The following RPSA2 variants were observed in gnomAD, a reference collection of about 807,000 sequenced individuals.
RPSA2 encodes ribosomal protein SA 2.
the RPSA2 span, among the ~76,000 whole-genome samples, chr19:23,859,426 C>T: frequency 9.2e-5 from 14 of 152,144 alleles, no homozygotes; most frequent in African/African-American, 2.9e-4. Context: ...GTCAGGAGTT[C>T]GAGACCAGCC....
the RPSA2 span, among the ~76,000 whole-genome samples, chr19:23,868,990 A>T: frequency 6.6e-6 from 1 of 152,218 alleles, no homozygotes; most frequent in Non-Finnish European, 1.5e-5. Context: ...CTGGAGCGTC[A>T]AGGCCAGAAA....
At chr19:23,789,019 C>CTTT in the RPSA2 span, among the ~76,000 whole-genome samples, 18 of 112,622 alleles carry the variant, frequency 1.6e-4, 4 homozygotes, top group South Asian at 1.2e-3. Context: ...TTTTTTCTTT[C>CTTT]TTTCTTTTTT....
chr19:23,852,168 A>T, the RPSA2 span, among the ~76,000 whole-genome samples: 5 of 152,188 alleles, frequency 3.3e-5, no homozygotes, highest in East Asian at 9.6e-4. Context: ...TTGCAGTTCC[A>T]ATGAAGCCTC....
At chr19:23,838,525 G>A in the RPSA2 span, among the ~76,000 whole-genome samples, 18,060 of 151,952 alleles carry the variant, frequency 0.12, 1,358 homozygotes, top group Middle Eastern at 0.17. Context: ...GTAGAATTTT[G>A]CTGTGAATCT....
At chr19:23,832,412 CA>C in the RPSA2 span, 9 of 506,170 alleles carry the variant, frequency 1.8e-5, no homozygotes, top group Non-Finnish European at 3.6e-5. Context: ...TGTGGCAAAG[CA>C]TTAATTCAAT....
At chr19:23,782,055 TCTTTTG>T in the RPSA2 span, 1 of 152,984 alleles carries the variant, frequency 6.5e-6, no homozygotes, top group Non-Finnish European at 1.5e-5. Flanking sequence ...GTTATGAGAA[TCTTTTG>T]CTTTTGCCCT....
At chr19:23,866,626 G>A in the RPSA2 span, among the ~76,000 whole-genome samples, 1 of 150,698 alleles carries the variant, frequency 6.6e-6, no homozygotes, top group Admixed American at 6.7e-5. Context: ...CCCCCTGTCA[G>A]GAAATGAGAA....
chr19:23,762,644 T>A, the RPSA2 span, among the ~76,000 whole-genome samples: 1 of 139,824 alleles, frequency 7.2e-6, no homozygotes, highest in Non-Finnish European at 1.5e-5. Context: ...CCACTGCACT[T>A]GAGCCAGGGC....
chr19:23,777,619 AAGATGT>A, the RPSA2 span, among the ~76,000 whole-genome samples: 148,762 of 152,082 alleles, frequency 0.98, 72,848 homozygotes, highest in Middle Eastern at 1. Flanking sequence ...ATTACCTAGA[AAGATGT>A]AGATGTGACT....
chr19:23,805,023 T>TTAACGACAGGACAGTGTGGCTTAGG, the RPSA2 span, among the ~76,000 whole-genome samples: 3 of 150,242 alleles, frequency 2.0e-5, no homozygotes, highest in Admixed American at 2.0e-4. Flanking sequence ...TTTGGGTTTG[T>TTAACGACAGGACAGTGTGGCTTAGG]TAAGGACAGG....
chr19:23,762,836 G>A, the RPSA2 span: 1 of 152,182 alleles, frequency 6.6e-6, no homozygotes, highest in Non-Finnish European at 1.5e-5. Flanking sequence ...TACCTTTACT[G>A]TCCGTAAAAT....
chr19:23,794,824 A>T, the RPSA2 span, among the ~76,000 whole-genome samples: 3 of 152,170 alleles, frequency 2.0e-5, no homozygotes, highest in Admixed American at 6.6e-5. Context: ...TTTTCAAATA[A>T]ATATTTCAGC....
chr19:23,763,054 C>T, the RPSA2 span: 3 of 153,334 alleles, frequency 2.0e-5, no homozygotes, highest in Non-Finnish European at 4.4e-5. Context: ...TCGGTAGCCC[C>T]TGGTGACTCT....
chr19:23,845,994 T>C, the RPSA2 span, among the ~76,000 whole-genome samples: 5 of 152,240 alleles, frequency 3.3e-5, no homozygotes, highest in Non-Finnish European at 5.9e-5. Context: ...GTCTCTCTAA[T>C]GCTGTGAGTA....
the RPSA2 span, among the ~76,000 whole-genome samples, chr19:23,828,399 A>G: frequency 6.6e-4 from 94 of 141,654 alleles, no homozygotes; most frequent in East Asian, 0.014. Context: ...TGGTGTTTCT[A>G]TTTCTTCAAA....
chr19:23,786,118 C>G, the RPSA2 span, among the ~76,000 whole-genome samples: 3 of 152,186 alleles, frequency 2.0e-5, no homozygotes. Context: ...AAAATTCTAT[C>G]TGGACCCATG....
At chr19:23,758,675 TG>T in the RPSA2 span, 6 of 1,612,608 alleles carry the variant, frequency 3.7e-6, no homozygotes, top group South Asian at 6.6e-5. Flanking sequence ...ATTGTGGAGC[TG>T]ACTGCGGCGA....
chr19:23,780,694 G>T, the RPSA2 span, among the ~76,000 whole-genome samples: 2 of 151,424 alleles, frequency 1.3e-5, no homozygotes, highest in Non-Finnish European at 2.9e-5. Context: ...GTGAACATGT[G>T]GCCACATTTG....
the RPSA2 span, among the ~76,000 whole-genome samples, chr19:23,786,755 ACT>A: frequency 6.7e-6 from 1 of 150,242 alleles, no homozygotes; most frequent in Non-Finnish European, 1.5e-5. Flanking sequence ...AGGTGATGTG[ACT>A]CTCCTCTTTT....
Sources: allele counts gnomAD v4.1 joint callset (sites outside exome capture counted in the v4.1 genomes callset), GRCh38; gene constraint gnomAD v4.1.1; transcripts MANE v1.5; gene names NCBI Gene and HGNC (gene_info 2026-07-23, HGNC 2026-07-21).